Variants in CYTH3 observed in about 807,000 individuals in gnomAD.
The protein encoded by CYTH3 is cytohesin 3, also known as cytohesin-3.
In CYTH3, 23 loss-of-function variants were observed where a neutral mutation model predicts 55.1. That is an observed-to-expected ratio of 0.42 (90% confidence interval 0.30 to 0.59). The LOEUF (loss-of-function observed/expected upper bound fraction) is 0.59, where lower values mean the gene tolerates loss of function less well. Among genes scored for constraint, CYTH3 ranks in the 20% least tolerant of loss-of-function variants. CYTH3 has a pLI of 0.20. For missense variants in CYTH3, 413 were observed against 524.8 expected (o/e 0.79, Z 2.08); for synonymous variants, 249 against 194.9 (o/e 1.28, Z -2.31).
chr7:6,185,471 C>T (rs1157682903), intron 4 of CYTH3, among the ~76,000 whole-genome samples: 1 of 152,002 alleles, frequency 6.6e-6, no homozygotes, highest in Admixed American at 6.6e-5. Context: ...CCAAGGTGGG[C>T]AGATCACAAG....
chr7:6,175,403 C>A (rs1027437293), intron 5 of CYTH3, among the ~76,000 whole-genome samples: 2 of 152,180 alleles, frequency 1.3e-5, no homozygotes, highest in Non-Finnish European at 1.5e-5. Flanking sequence ...TTCTTCCCCC[C>A]ACTGAAATTG....
In CYTH3 at chr7:6,265,395, G is replaced by A. The variant is rs574550683; in HGVS notation, c.34+7079C>T. On this transcript the variant is annotated intron_variant, in intron 1 of 12. Transcript: ENST00000350796. ...TGGGAGGCCAAGGCAGGCAGATCAC[G>A]AGGTCAGGAGTTCAAGACCAGCCTG... Among the ~76,000 whole-genome samples the A allele has an allele frequency of 3.3e-5, 5 of 151,896 alleles. No homozygotes were observed. In the East Asian group the frequency reaches 9.7e-4, roughly 30 times the overall value.
intron 1 of CYTH3, among the ~76,000 whole-genome samples, chr7:6,227,109 G>C (rs1779276481): frequency 6.6e-6 from 1 of 151,058 alleles, no homozygotes; most frequent in African/African-American, 2.4e-5. Flanking sequence ...GGAAAGGGCT[G>C]GCACATGGTG....
intron 1 of CYTH3, among the ~76,000 whole-genome samples, chr7:6,224,656 A>T (rs1779194354): frequency 6.6e-6 from 1 of 152,236 alleles, no homozygotes; most frequent in Non-Finnish European, 1.5e-5. Context: ...AATACAATTT[A>T]GTGGCTCCCC....
At chr7:6,242,194 A>G (rs1779691421) in intron 1 of CYTH3, among the ~76,000 whole-genome samples, 1 of 151,726 alleles carries the variant, frequency 6.6e-6, no homozygotes, top group Non-Finnish European at 1.5e-5. Context: ...CTCCTGTCTC[A>G]GCCTCCCGAG....
At chr7:6,267,872 T>C (rs1248040021) in intron 1 of CYTH3, among the ~76,000 whole-genome samples, 2 of 152,224 alleles carry the variant, frequency 1.3e-5, no homozygotes, top group Non-Finnish European at 2.9e-5. Flanking sequence ...AAATGGGTAT[T>C]TTCTTACCAT....
intron 1 of CYTH3, among the ~76,000 whole-genome samples, chr7:6,224,311 T>C (rs922058517): frequency 1.9e-5 from 1 of 51,902 alleles, no homozygotes; most frequent in Non-Finnish European, 4.0e-5. Flanking sequence ...GCTGCAAAAA[T>C]AGGTAAAAAA....
chr7:6,266,373 C>T (rs1235598433), intron 1 of CYTH3, among the ~76,000 whole-genome samples: 1 of 152,040 alleles, frequency 6.6e-6, no homozygotes, highest in African/African-American at 2.4e-5. Flanking sequence ...GATGAAGAGT[C>T]AATAAATTAA....
Position 6,170,416 on chromosome 7 carries a change from C to G in CYTH3, c.823+119G>C. The stretch of plus-strand genomic sequence containing the variant: ...AGCGGGCTCTGGCTTAACCGCGTTT[C>G]TTTTTAACGTCTCTGCCTGCGGTGG... On this transcript the variant is annotated intron_variant, in intron 9 of 12. Coordinates refer to ENST00000350796, the MANE Select transcript of CYTH3 (RefSeq NM_004227.4). This position sits in a 1 kb window ranked among gnomAD's most constrained non-coding sequence, Gnocchi z 7.8. 1 of 957,156 alleles carries G rather than the reference C, an allele frequency of 1.0e-6. No individual in the cohort carries two copies. The highest frequency in any genetic ancestry group is 1.7e-5 in the African/African-American group (1 of 60,490). 59.3% of individuals were successfully genotyped at this position (957,156 alleles called of 1,614,324 possible).
chr7:6,186,848 G>A (rs987537766), intron 4 of CYTH3, among the ~76,000 whole-genome samples: 2 of 152,312 alleles, frequency 1.3e-5, no homozygotes, highest in Non-Finnish European at 2.9e-5. Flanking sequence ...AGGCCTTTCT[G>A]CCCAGGGCAC....
chr7:6,221,945 C>T (rs1171613700), intron 1 of CYTH3, among the ~76,000 whole-genome samples: 1 of 152,046 alleles, frequency 6.6e-6, no homozygotes, highest in East Asian at 1.9e-4. Flanking sequence ...GAGCAAGACG[C>T]TGTCAAAAAA....
At position 6,272,583 on chromosome 7, in the gene CYTH3, GAGCGCGCAGGCGACCGGGCGGCTCCTC is replaced by G. The variant is rs1227736490; in HGVS notation, c.-103_-77del. ...CGCGGGCTGGGGACGCCGCCGGAGG[GAGCGCGCAGGCGACCGGGCGGCTCCTC>G]AGCGCGCGGCCCGGGTCGCGGCCGG... On this transcript the variant is annotated 5_prime_UTR_variant, in exon 1 of 13. Transcript: ENST00000350796. 5 of 1,111,606 alleles carry G rather than the reference GAGCGCGCAGGCGACCGGGCGGCTCCTC, an allele frequency of 4.5e-6. No homozygotes were observed. Among genetic ancestry groups the G allele is most frequent in the Non-Finnish European group, 5.5e-6 (5 of 907,760 alleles). 68.9% of individuals were successfully genotyped at this position (1,111,606 alleles called of 1,614,324 possible).
chr7:6,186,513 A>G (rs1783654970), intron 4 of CYTH3, among the ~76,000 whole-genome samples: 1 of 152,238 alleles, frequency 6.6e-6, no homozygotes, highest in Non-Finnish European at 1.5e-5. Flanking sequence ...ACTTGAGGAA[A>G]GAGAAAGATG....
chr7:6,220,123 C>T (rs1784519751), intron 1 of CYTH3, among the ~76,000 whole-genome samples: 1 of 152,096 alleles, frequency 6.6e-6, no homozygotes, highest in African/African-American at 2.4e-5. Flanking sequence ...TCTCAAACTC[C>T]TGACCTCAAG....
chr7:6,222,792 C>G (rs542350486), intron 1 of CYTH3, among the ~76,000 whole-genome samples: 18 of 150,810 alleles, frequency 1.2e-4, no homozygotes, highest in Non-Finnish European at 2.4e-4. Context: ...AAAACTGAAC[C>G]AATTTTATAT....
chr7:6,264,866 A>C (rs1780447135), intron 1 of CYTH3, among the ~76,000 whole-genome samples: 4 of 152,256 alleles, frequency 2.6e-5, no homozygotes, highest in Non-Finnish European at 5.9e-5. Context: ...ATTGTAAGAG[A>C]AAAGAAACAA....
chr7:6,212,517 T>C, intron 1 of CYTH3: 1 of 152,146 alleles, frequency 6.6e-6, no homozygotes, highest in East Asian at 1.9e-4. Flanking sequence ...AATCACACAG[T>C]ATGTGTCTTG....
chr7:6,236,883 G>A (rs1173063533), intron 1 of CYTH3, among the ~76,000 whole-genome samples: 1 of 152,190 alleles, frequency 6.6e-6, no homozygotes, highest in Non-Finnish European at 1.5e-5. Context: ...TTTTCTGACA[G>A]TGTACCTGTT....
chr7:6,207,139 G>C (rs973752404), intron 1 of CYTH3, among the ~76,000 whole-genome samples: 3 of 128,874 alleles, frequency 2.3e-5, no homozygotes, highest in African/African-American at 9.2e-5. Context: ...CCGTCGCCCA[G>C]GCTGGAGTGC....
Sources: gnomAD v4.1 joint callset for allele counts (sites outside exome capture counted in the v4.1 genomes callset) on GRCh38, gnomAD v4.1.1 for gene constraint, Gnocchi (gnomAD v3.1) non-coding constraint, MANE v1.5 for transcripts, NCBI Gene and HGNC (gene_info 2026-07-23, HGNC 2026-07-21) for gene names.